Variants in ST7 observed in about 807,000 individuals in gnomAD.
ST7 encodes the protein suppressor of tumorigenicity 7 protein.
ST7 carries 28 observed loss-of-function variants against 78.7 expected under a neutral mutation model. That is an observed-to-expected ratio of 0.36 (90% confidence interval 0.26 to 0.49). The LOEUF is 0.49. ST7 is among the 20% of genes least tolerant of loss of function. The probability of loss-of-function intolerance (pLI) is 0.99; values close to 1 mark genes in which losing one functional copy is unlikely to be tolerated. For missense variants in ST7, 418 were observed against 696.0 expected (o/e 0.60, Z 4.49); for synonymous variants, 247 against 249.6 (o/e 0.99, Z 0.10).
chr7:117,210,235 C>G (rs906553552), intron 13 of ST7, among the ~76,000 whole-genome samples: 1 of 152,220 alleles, frequency 6.6e-6, no homozygotes, highest in East Asian at 1.9e-4. Flanking sequence ...GAAACTTGGA[C>G]AGCCCCACAG....
At chr7:117,179,345 T>A (rs1279067050) in intron 10 of ST7, among the ~76,000 whole-genome samples, 2 of 152,226 alleles carry the variant, frequency 1.3e-5, no homozygotes, top group Non-Finnish European at 2.9e-5. Context: ...ACATTGTTTT[T>A]TGTTGTGGGT....
At chr7:117,057,660 C>A (rs1313586786) in intron 1 of ST7, among the ~76,000 whole-genome samples, 1 of 152,136 alleles carries the variant, frequency 6.6e-6, no homozygotes, top group Non-Finnish European at 1.5e-5. Flanking sequence ...CAGACCCATA[C>A]TAAATCATCC....
chr7:116,958,762 G>A, intron 1 of ST7: 1 of 450,248 alleles, frequency 2.2e-6, no homozygotes, highest in Non-Finnish European at 4.5e-6. Context: ...TATTAAGAGT[G>A]CAGTAGCATT....
At chr7:117,154,449 G>A (rs1007158917) in intron 9 of ST7, among the ~76,000 whole-genome samples, 6 of 152,178 alleles carry the variant, frequency 3.9e-5, no homozygotes, top group Non-Finnish European at 7.3e-5. Context: ...TGGCTGACAG[G>A]GCTAGGAAGA....
At chr7:117,013,046 TAA>T (rs1327314822) in intron 1 of ST7, among the ~76,000 whole-genome samples, 1 of 152,142 alleles carries the variant, frequency 6.6e-6, no homozygotes, top group Non-Finnish European at 1.5e-5. Flanking sequence ...AGCATAAAAA[TAA>T]AAAGTCTTAA....
intron 1 of ST7, among the ~76,000 whole-genome samples, chr7:116,960,353 C>G (rs1171248679): frequency 6.6e-6 from 1 of 152,030 alleles, no homozygotes; most frequent in African/African-American, 2.4e-5. Flanking sequence ...TCATGTCCGG[C>G]TAAGTTTTGT....
chr7:117,152,405 A>G (rs945149415), intron 9 of ST7, among the ~76,000 whole-genome samples: 1 of 151,384 alleles, frequency 6.6e-6, no homozygotes, highest in Admixed American at 6.6e-5. Flanking sequence ...GTCTCTGCCA[A>G]CTCCAAATTT....
At chr7:117,149,861 G>C (rs1237770001) in intron 9 of ST7, among the ~76,000 whole-genome samples, 1 of 151,914 alleles carries the variant, frequency 6.6e-6, no homozygotes, top group Non-Finnish European at 1.5e-5. Flanking sequence ...TGCCTGATAG[G>C]GTTTACTTGT....
chr7:117,005,792 G>C (rs932708311), intron 1 of ST7, among the ~76,000 whole-genome samples: 6 of 152,194 alleles, frequency 3.9e-5, no homozygotes, highest in Admixed American at 2.0e-4. Flanking sequence ...CCATGTAAAA[G>C]AGTGGCCAAG....
At chr7:117,028,931 C>A (rs1211422064) in intron 1 of ST7, among the ~76,000 whole-genome samples, 2 of 152,152 alleles carry the variant, frequency 1.3e-5, no homozygotes, top group Admixed American at 1.3e-4. Flanking sequence ...AGGCTCTGAT[C>A]CCTGCACAGT....
At chr7:117,102,931 A>C (rs894588457) in intron 2 of ST7, among the ~76,000 whole-genome samples, 3 of 152,208 alleles carry the variant, frequency 2.0e-5, no homozygotes, top group Admixed American at 2.0e-4. Flanking sequence ...ATATATGCTA[A>C]CAGTGAACAA....
chr7:117,073,300 A>G (rs1051146701), intron 1 of ST7, among the ~76,000 whole-genome samples: 3 of 152,220 alleles, frequency 2.0e-5, no homozygotes, highest in Non-Finnish European at 4.4e-5. Context: ...CATTCATGGT[A>G]TATTAAGGAA....
intron 4 of ST7, among the ~76,000 whole-genome samples, chr7:117,130,090 A>G (rs182176081): frequency 3.3e-5 from 5 of 152,054 alleles, no homozygotes; most frequent in Admixed American, 1.3e-4. Context: ...TCTTTTCAAT[A>G]TATACTATAC....
chr7:117,136,526 C>T (rs1222471386), intron 8 of ST7: 1 of 550,380 alleles, frequency 1.8e-6, no homozygotes, highest in Non-Finnish European at 3.2e-6. Context: ...TGAGTTCTTA[C>T]ATATTTCTGT....
At chr7:117,046,438 G>A (rs1797496870) in intron 1 of ST7, among the ~76,000 whole-genome samples, 1 of 151,898 alleles carries the variant, frequency 6.6e-6, no homozygotes, top group Non-Finnish European at 1.5e-5. Context: ...TTTCTGCTTG[G>A]TGAATCTATG....
intron 1 of ST7, among the ~76,000 whole-genome samples, chr7:117,010,517 A>AG (rs1456194592): frequency 2.6e-5 from 4 of 152,212 alleles, no homozygotes; most frequent in African/African-American, 9.7e-5. Flanking sequence ...GTGGGTGGTA[A>AG]GAGGCCTGGG....
chr7:117,129,923 T>A lies in ST7; in HGVS notation c.449+76T>A, dbSNP rs1279077764. On this transcript the variant is annotated intron_variant, in intron 4 of 15. Transcript: ENST00000323984. Reference sequence around the variant, plus strand: ...AGACAGCAGCAAATGTTTTTGCTGGTTCATTTAGGGGTCATTGTAACAGTC... The same window carrying A: ...AGACAGCAGCAAATGTTTTTGCTGGATCATTTAGGGGTCATTGTAACAGTC... The A allele has an allele frequency of 3.4e-6, 4 of 1,193,368 alleles. No homozygotes were observed. In the South Asian group the frequency reaches 3.9e-5, roughly 12 times the overall value. The allele number at this position is 1,193,368 out of a possible 1,614,324, so 73.9% of individuals were successfully genotyped here. A position where few individuals can be genotyped will look rare whatever the true frequency, so the allele number is the denominator to read the frequency against.
At chr7:117,062,758 TCTA>T (rs746381040) in intron 1 of ST7, among the ~76,000 whole-genome samples, 1 of 152,252 alleles carries the variant, frequency 6.6e-6, no homozygotes, top group Non-Finnish European at 1.5e-5. Flanking sequence ...TTTATGTTCA[TCTA>T]CTCTGTATGT....
At chr7:117,182,046 T>C (rs1808810235) in intron 10 of ST7, among the ~76,000 whole-genome samples, 1 of 152,242 alleles carries the variant, frequency 6.6e-6, no homozygotes, top group East Asian at 1.9e-4. Context: ...GGGTGATCTC[T>C]AGAATCCTAT....
Sources: allele counts gnomAD v4.1 joint callset (sites outside exome capture counted in the v4.1 genomes callset), GRCh38; gene constraint gnomAD v4.1.1; transcripts MANE v1.5; gene names NCBI Gene and HGNC (gene_info 2026-07-23, HGNC 2026-07-21).